SOX5: variants seen among roughly 807,000 people sequenced by gnomAD.
The protein encoded by SOX5 is SRY-box transcription factor 5, also known as transcription factor SOX-5.
In SOX5, 9 loss-of-function variants were observed where a neutral mutation model predicts 92.0. That is an observed-to-expected ratio of 0.10 (90% CI 0.06 to 0.17). SOX5 has a LOEUF of 0.17. Ranked by LOEUF, SOX5 falls within the 10% of genes least tolerant of loss-of-function variation. SOX5 has a pLI of 1.00. For missense variants in SOX5, 642 were observed against 944.5 expected (o/e 0.68, Z 4.20); for synonymous variants, 344 against 336.3 (o/e 1.02, Z -0.25).
intron 1 of SOX5, among the ~76,000 whole-genome samples, chr12:24,480,946 A>G (rs938035607): frequency 3.2e-4 from 48 of 152,334 alleles, no homozygotes; most frequent in African/African-American, 1.1e-3. Context: ...TCAAAGAGAT[A>G]TCTACACCCC....
At chr12:24,493,513 G>C (rs1168167845) in intron 1 of SOX5, among the ~76,000 whole-genome samples, 1 of 152,182 alleles carries the variant, frequency 6.6e-6, no homozygotes, top group Non-Finnish European at 1.5e-5. Context: ...TGGATATCAG[G>C]TATGTAGGAG....
At chr12:24,440,594 TTGTGTGTGTGTGTGTGTGTGTGTGTGTG>T (rs56082162) in intron 1 of SOX5, among the ~76,000 whole-genome samples, 2 of 139,632 alleles carry the variant, frequency 1.4e-5, no homozygotes, top group African/African-American at 2.7e-5. Context: ...ACATGATCCT[TTGTGTGTGTGTGTGTGTGTGTGTGTGTG>T]TGTGTGTGTG....
chr12:24,107,364 T>C (rs958641897), intron 4 of SOX5, among the ~76,000 whole-genome samples: 3 of 152,238 alleles, frequency 2.0e-5, no homozygotes, highest in African/African-American at 4.8e-5. Context: ...TAACACTATT[T>C]AGACCTTCTG....
rs79421607 is a variant in SOX5 at position 24,200,190 on chromosome 12, C to T, written c.-2+13153G>A. On this transcript the variant is annotated intron_variant, in intron 4 of 4. Transcript: ENST00000446891. ...AAAACTGGGCTAGGAATCAGGAAAT[C>T]TGGGTACTTTTTCTGGCTCTGTCAC... 3.0e-3 allele frequency among the ~76,000 whole-genome samples: 453 copies of T among 152,260 alleles called. 2 individuals are homozygous for T. The highest frequency in any genetic ancestry group is 0.011 in the African/African-American group (441 of 41,548).
intron 3 of SOX5, among the ~76,000 whole-genome samples, chr12:24,247,075 A>G (rs1237110722): frequency 1.3e-5 from 2 of 152,178 alleles, no homozygotes; most frequent in Non-Finnish European, 2.9e-5. Context: ...AGAGTGATTT[A>G]TTTTTGGAGA....
At chr12:24,547,368 T>C (rs1374515499) in intron 1 of SOX5, among the ~76,000 whole-genome samples, 5 of 151,526 alleles carry the variant, frequency 3.3e-5, no homozygotes, top group African/African-American at 1.2e-4. Flanking sequence ...ATTTTTTGTA[T>C]TTTTAGTAGA....
chr12:24,221,761 G>GT (rs1241693380), intron 3 of SOX5, among the ~76,000 whole-genome samples: 19 of 152,230 alleles, frequency 1.2e-4, no homozygotes, highest in African/African-American at 4.6e-4. Flanking sequence ...GACAAAAACA[G>GT]TTTGTAGACA....
At chr12:23,830,678 C>CT (rs1361584601) in intron 3 of SOX5, among the ~76,000 whole-genome samples, 1 of 152,100 alleles carries the variant, frequency 6.6e-6, no homozygotes, top group African/African-American at 2.4e-5. Context: ...TTTCGAAGTG[C>CT]CCCCTTTGCC....
chr12:24,047,910 A>C (rs964785769), intron 4 of SOX5, among the ~76,000 whole-genome samples: 2 of 152,200 alleles, frequency 1.3e-5, no homozygotes, highest in Non-Finnish European at 2.9e-5. Context: ...TGGTTGTTAA[A>C]TTCTAAATAA....
intron 3 of SOX5, among the ~76,000 whole-genome samples, chr12:24,243,954 G>C (rs1198983528): frequency 3.3e-5 from 5 of 150,918 alleles, no homozygotes; most frequent in South Asian, 2.1e-4. Context: ...CAGTTATTCT[G>C]AATTCAAGCT....
At chr12:24,122,700 T>C (rs1372993768) in intron 4 of SOX5, among the ~76,000 whole-genome samples, 2 of 152,160 alleles carry the variant, frequency 1.3e-5, no homozygotes, top group African/African-American at 4.8e-5. Context: ...TTATAAGTTA[T>C]AATAGCCTCT....
At chr12:24,350,910 G>A (rs520963) in intron 2 of SOX5, among the ~76,000 whole-genome samples, 43,150 of 151,746 alleles carry the variant, frequency 0.28, 6,753 homozygotes, top group South Asian at 0.53. Flanking sequence ...AAAATTAGCC[G>A]AGTATGATGG....
intron 1 of SOX5, among the ~76,000 whole-genome samples, chr12:24,474,085 T>G (rs1021031007): frequency 1.3e-5 from 2 of 152,204 alleles, no homozygotes; most frequent in African/African-American, 4.8e-5. Flanking sequence ...ATGCTGTAAA[T>G]GATTGTTATC....
In SOX5 at chr12:23,771,034, A is replaced by T. The variant is rs190793514; in HGVS notation, c.482-15310T>A. Among the ~76,000 whole-genome samples, 36 of 152,182 alleles carry T rather than the reference A, an allele frequency of 2.4e-4. No individual in the cohort carries two copies. The East Asian group carries it at 6.8e-3, about 29-fold the overall frequency. ...GAAACGAGAAAAAGTAAAATCTCTT[A>T]CTCAAAAATCCATTTTTGTGAATCA... On this transcript the variant is annotated intron_variant, in intron 3 of 14. Transcript: ENST00000451604.
rs950668394 is a variant in SOX5 at position 23,861,864 on chromosome 12, G to A, written c.271-15671C>T. 4.6e-5 allele frequency among the ~76,000 whole-genome samples: 7 copies of A among 151,996 alleles called. 1 individual carries two copies. Among genetic ancestry groups the A allele is most frequent in the Admixed American group, 3.9e-4 (6 of 15,258 alleles). ...TTCATTATACTTAGCAACATCAAAC[G>A]GGAAAAATAATTAAAAAGATCCTAT... On this transcript the variant is annotated intron_variant, in intron 2 of 14. Coordinates refer to ENST00000451604, the MANE Select transcript of SOX5 (RefSeq NM_006940.6).
At chr12:24,560,147 G>T (rs780559989) in intron 1 of SOX5, among the ~76,000 whole-genome samples, 1 of 152,084 alleles carries the variant, frequency 6.6e-6, no homozygotes, top group Non-Finnish European at 1.5e-5. Context: ...TCAGGAACAA[G>T]GTTGTTAGAA....
chr12:24,199,036 G>A (rs1957275315), intron 4 of SOX5, among the ~76,000 whole-genome samples: 1 of 152,160 alleles, frequency 6.6e-6, no homozygotes, highest in Non-Finnish European at 1.5e-5. Flanking sequence ...CGAGAGGCTG[G>A]GATGTCCCCT....
At chr12:23,855,376 A>G (rs1326742347) in intron 2 of SOX5, among the ~76,000 whole-genome samples, 1 of 152,082 alleles carries the variant, frequency 6.6e-6, no homozygotes, top group Non-Finnish European at 1.5e-5. Flanking sequence ...CAAATTTCAC[A>G]GTTTCATGGT....
chr12:24,348,384 T>TTATTTATTTATG (rs1187860984), intron 2 of SOX5, among the ~76,000 whole-genome samples: 1 of 151,252 alleles, frequency 6.6e-6, no homozygotes, highest in Non-Finnish European at 1.5e-5. Flanking sequence ...ATTTATTTAT[T>TTATTTATTTATG]TATTTATTTA....
Sources: gnomAD v4.1 joint callset for allele counts (sites outside exome capture counted in the v4.1 genomes callset) on GRCh38, gnomAD v4.1.1 for gene constraint, MANE v1.5 for transcripts, NCBI Gene and HGNC (gene_info 2026-07-23, HGNC 2026-07-21) for gene names.